Variants in PPT2 observed in about 807,000 individuals in gnomAD.
PPT2 encodes palmitoyl-protein thioesterase 2.
In PPT2, 20 loss-of-function variants were observed where a neutral mutation model predicts 37.3. The observed-to-expected ratio is 0.54, with a 90% CI of 0.38 to 0.78. The LOEUF (loss-of-function observed/expected upper bound fraction) is 0.78. PPT2 is among the 30% of genes least tolerant of loss of function. The pLI, the probability that PPT2 is intolerant of heterozygous loss-of-function variation, is 0.00. For synonymous variants in PPT2, 135 were observed against 159.1 expected (o/e 0.85, Z 1.14); for missense variants, 270 against 389.8 (o/e 0.69, Z 2.59).
At chr6:32,153,582 G>A (rs774886442), upstream of PPT2, 2 of 1,556,078 alleles carry the variant, frequency 1.3e-6, no homozygotes, top group Non-Finnish European at 1.7e-6. This position sits in a 1 kb window ranked among gnomAD's most constrained non-coding sequence, Gnocchi z 4.4. Flanking sequence ...GGGCCTCGAG[G>A]ACTCTCTGCG....
chr6:32,157,968 C>T (rs1250460153), intron 7 of PPT2, 44 bp downstream of exon 7: 2 of 1,514,452 alleles, frequency 1.3e-6, no homozygotes, highest in African/African-American at 1.4e-5. Flanking sequence ...AAAGACATCC[C>T]CCAACCCCAG....
Position 32,157,740 on chromosome 6 carries a change from C to T in PPT2, c.625+20C>T, listed in dbSNP as rs1484523878. On this transcript the variant is annotated intron_variant, in intron 6 of 8. Transcript: ENST00000324816. Reference sequence around the variant, plus strand: ...CCACAGGTGAGAATTCAGGCTCCTACCTGTGTTGCTTTTTCTGCTTCTTTG... The same window carrying T: ...CCACAGGTGAGAATTCAGGCTCCTATCTGTGTTGCTTTTTCTGCTTCTTTG... 1 of 1,574,126 alleles carries T rather than the reference C, an allele frequency of 6.4e-7. No homozygotes were observed. The highest frequency in any genetic ancestry group is 8.7e-7 in the Non-Finnish European group (1 of 1,144,612).
chr6:32,157,716 C>T lies in PPT2; in HGVS notation c.621C>T (p.Ala207=), dbSNP rs1289052793. The T allele has an allele frequency of 6.3e-7, 1 of 1,590,732 alleles. No individual in the cohort carries two copies. The highest frequency in any genetic ancestry group is 8.6e-7 in the Non-Finnish European group (1 of 1,159,594). ...LINGERDHPN[A]TVWRKNFLRV... ...ATGGGGAAAGAGACCATCCCAATGC[C>T]ACAGGTGAGAATTCAGGCTCCTACC... The change falls in exon 6 of 9, where the codon GCC becomes GCT. Residue 207 remains alanine, a synonymous_variant. Transcript: ENST00000324816.
chr6:32,157,167 T>A (rs1783851726), intron 5 of PPT2: 2 of 156,730 alleles, frequency 1.3e-5, no homozygotes, highest in South Asian at 3.5e-4. Flanking sequence ...GGTGACGGAG[T>A]GAGATTTCAT....
rs1783631279 is a variant in PPT2, at chr6:32,154,749, T to C, written c.155T>C (p.Phe52Ser). ...VHGLFDSSYS[F>S]RHLLEYINET... is the part of the protein sequence containing the mutation. Reference sequence around the variant, plus strand: ...GGGCTCTTCGACAGCTCGTACAGCTTCCGCCACCTGCTGGAATACATCAAT... The same window carrying C: ...GGGCTCTTCGACAGCTCGTACAGCTCCCGCCACCTGCTGGAATACATCAAT... Residue 52 changes from phenylalanine to serine, a missense_variant, in exon 2 of 9, where the codon TTC (phenylalanine) becomes TCC (serine). Coordinates refer to ENST00000324816, the MANE Select transcript of PPT2 (RefSeq NM_005155.7). This position sits in a 1 kb window ranked among gnomAD's most constrained non-coding sequence, Gnocchi z 7.3. 6.2e-7 allele frequency: 1 copy of C among 1,612,798 alleles called. No individual in the cohort carries two copies. The highest frequency in any genetic ancestry group is 8.5e-7 in the Non-Finnish European group (1 of 1,179,818).
chr6:32,162,601 C>G lies in PPT2; in HGVS notation c.744C>G (p.Val248=). 4 of 1,611,128 alleles carry G rather than the reference C, an allele frequency of 2.5e-6. No individual in the cohort carries two copies. The highest frequency in any genetic ancestry group is 3.4e-6 in the Non-Finnish European group (4 of 1,177,238). ...FFGFYDANET[V]LEMEEQLVYL... is the part of the protein sequence containing the mutation. ...GTTTCTATGATGCAAATGAGACCGTCCTGGAGATGGAGGAGCAACTGGTGA... is the reference window on the plus strand; with the variant it reads ...GTTTCTATGATGCAAATGAGACCGTGCTGGAGATGGAGGAGCAACTGGTGA... The change falls in exon 8 of 9, where the codon GTC becomes GTG. Residue 248 remains valine (V), a synonymous_variant. Transcript: ENST00000324816. This position sits in a 1 kb window ranked among gnomAD's most constrained non-coding sequence, Gnocchi z 5.5.
At position 32,154,232 on chromosome 6, in the gene PPT2, A is replaced by G. The variant is rs545934587; in HGVS notation, c.-181A>G. On this transcript the variant is annotated 5_prime_UTR_variant, in exon 1 of 9. Coordinates refer to ENST00000324816, the MANE Select transcript of PPT2 (RefSeq NM_005155.7). This position sits in a 1 kb window ranked among gnomAD's most constrained non-coding sequence, Gnocchi z 7.3. Reference sequence around the variant, plus strand: ...GTAAACAGCGGGTGGAGCGAGGCCTACGGACCCAGGCCAGGTGGGAGTCTG... The same window carrying G: ...GTAAACAGCGGGTGGAGCGAGGCCTGCGGACCCAGGCCAGGTGGGAGTCTG... 2 of 1,175,164 alleles carry G rather than the reference A, an allele frequency of 1.7e-6. No homozygotes were observed. The highest frequency in any genetic ancestry group is 3.2e-5 in the African/African-American group (2 of 63,024). 72.8% of individuals were successfully genotyped at this position (1,175,164 alleles called of 1,614,324 possible).
Position 32,155,253 on chromosome 6 carries a change from C to A in PPT2, c.337+70C>A. The A allele has an allele frequency of 6.5e-7, 1 of 1,546,330 alleles. No homozygotes were observed. The highest frequency in any genetic ancestry group is 8.9e-7 in the Non-Finnish European group (1 of 1,126,428). On this transcript the variant is annotated intron_variant, in intron 3 of 8. Transcript: ENST00000324816. The surrounding 1 kb of genome is among the most constrained non-coding windows in gnomAD (Gnocchi z 4.3). ...TTGATCCTTATCTGAGGGACACTTC[C>A]TAGCGTCCCTTTTTCTGAACCACAT...
At chr6:32,157,967 C>A (rs371754398) in intron 7 of PPT2, 43 bp downstream of exon 7, 1 of 1,514,054 alleles carries the variant, frequency 6.6e-7, no homozygotes, top group Non-Finnish European at 9.1e-7. Flanking sequence ...TAAAGACATC[C>A]CCCAACCCCA....
In PPT2 at chr6:32,154,957, G is replaced by A; in HGVS notation, c.184-73G>A. 6.3e-7 allele frequency: 1 copy of A among 1,598,658 alleles called. No individual in the cohort carries two copies. The highest frequency in any genetic ancestry group is 8.5e-7 in the Non-Finnish European group (1 of 1,169,678). On this transcript the variant is annotated intron_variant, in intron 2 of 8. Transcript: ENST00000324816. The surrounding 1 kb of genome is among the most constrained non-coding windows in gnomAD (Gnocchi z 7.3). Reference sequence around the variant, plus strand: ...TCTAGCAGGGTACAATAGACCTGTGGACGCGGGCCAGGGGGTGGCGTGTGG... The same window carrying A: ...TCTAGCAGGGTACAATAGACCTGTGAACGCGGGCCAGGGGGTGGCGTGTGG...
chr6:32,155,869 A>G lies in PPT2; in HGVS notation c.434-2A>G. 6.2e-7 allele frequency: 1 copy of G among 1,613,678 alleles called. No individual in the cohort carries two copies. Among genetic ancestry groups the G allele is most frequent in the Non-Finnish European group, 8.5e-7 (1 of 1,179,644 alleles). On this transcript the variant is annotated splice_acceptor_variant, in intron 4 of 8. Transcript: ENST00000324816. LOFTEE classifies it high-confidence loss of function. The surrounding 1 kb of genome is among the most constrained non-coding windows in gnomAD (Gnocchi z 4.3). ...CACTTAGCATTGCCATTCGCTTGCC[A>G]GACACGGACTACTTGAAGTGGCTGT...
At chr6:32,153,591 C>A (rs1355032813), upstream of PPT2, 9 of 1,549,308 alleles carry the variant, frequency 5.8e-6, no homozygotes, top group Non-Finnish European at 7.0e-6. This position sits in a 1 kb window ranked among gnomAD's most constrained non-coding sequence, Gnocchi z 4.4. Flanking sequence ...GGACTCTCTG[C>A]GTCTCTGGAG....
chr6:32,154,784 C>T lies in PPT2; in HGVS notation c.183+7C>T. ...GCTGGAATACATCAATGAGGTCTGGCAGGGGACACCTGGGTGCAGGGCGTT... is the reference window on the plus strand; with the variant it reads ...GCTGGAATACATCAATGAGGTCTGGTAGGGGACACCTGGGTGCAGGGCGTT... On this transcript the variant is annotated splice_region_variant and intron_variant, in intron 2 of 8. Transcript: ENST00000324816. The surrounding 1 kb of genome is among the most constrained non-coding windows in gnomAD (Gnocchi z 7.3). The T allele has an allele frequency of 6.2e-7, 1 of 1,609,670 alleles. No homozygotes were observed. The highest frequency in any genetic ancestry group is 8.5e-7 in the Non-Finnish European group (1 of 1,177,208).
chr6:32,160,393 GGGT>G (rs1784077298), intron 7 of PPT2, among the ~76,000 whole-genome samples: 1 of 151,564 alleles, frequency 6.6e-6, no homozygotes, highest in Admixed American at 6.6e-5. Flanking sequence ...CCATCTGGCT[GGGT>G]GCGGTGGCTC....
chr6:32,163,426 A>G lies in PPT2; in HGVS notation c.*476A>G, dbSNP rs186350484. 23 of 168,194 alleles carry G rather than the reference A, an allele frequency of 1.4e-4. No homozygotes were observed. The highest frequency in any genetic ancestry group is 1.1e-3 in the Admixed American group (20 of 17,978). 10.4% of individuals were successfully genotyped at this position (168,194 alleles called of 1,614,324 possible). On this transcript the variant is annotated 3_prime_UTR_variant, in exon 9 of 9. Transcript: ENST00000324816. ...GACATCAGCCCTCCCAACTCCTAAG[A>G]GGGACTACCCATGAGAGTGGGGTTC...
In PPT2 at chr6:32,162,604, G is replaced by T. The variant is rs1408837623; in HGVS notation, c.747G>T (p.Leu249=). The change falls in exon 8 of 9, where the codon CTG becomes CTT. Residue 249 remains leucine, a synonymous_variant. Transcript: ENST00000324816. This position sits in a 1 kb window ranked among gnomAD's most constrained non-coding sequence, Gnocchi z 5.5. ...FGFYDANETV[L]EMEEQLVYLR... ...TCTATGATGCAAATGAGACCGTCCT[G>T]GAGATGGAGGAGCAACTGGTGAGCC... The T allele has an allele frequency of 6.2e-7, 1 of 1,609,982 alleles. No homozygotes were observed. The highest frequency in any genetic ancestry group is 8.5e-7 in the Non-Finnish European group (1 of 1,176,304).
chr6:32,155,292 A>G lies in PPT2; in HGVS notation c.337+109A>G. 7.8e-7 allele frequency: 1 copy of G among 1,286,092 alleles called. No homozygotes were observed. The highest frequency in any genetic ancestry group is 1.1e-6 in the Non-Finnish European group (1 of 921,362). 79.7% of individuals were successfully genotyped at this position (1,286,092 alleles called of 1,614,324 possible). Reference sequence around the variant, plus strand: ...TCTGAACCACATTGCTCCAGGCACAACCCTGGTACCTGAGCCCTTCCTTTC... The same window carrying G: ...TCTGAACCACATTGCTCCAGGCACAGCCCTGGTACCTGAGCCCTTCCTTTC... On this transcript the variant is annotated intron_variant, in intron 3 of 8. Coordinates refer to ENST00000324816, the MANE Select transcript of PPT2 (RefSeq NM_005155.7). The surrounding 1 kb of genome is among the most constrained non-coding windows in gnomAD (Gnocchi z 4.3).
chr6:32,160,028 T>A (rs951949896), intron 7 of PPT2, among the ~76,000 whole-genome samples: 4 of 149,776 alleles, frequency 2.7e-5, no homozygotes, highest in African/African-American at 9.9e-5. Context: ...CCAATATATA[T>A]CTCTCTCTAT....
chr6:32,160,839 T>G (rs1784108091), intron 7 of PPT2, among the ~76,000 whole-genome samples: 1 of 151,718 alleles, frequency 6.6e-6, no homozygotes, highest in African/African-American at 2.4e-5. Flanking sequence ...AATACAAAAA[T>G]TAGCTGGGCG....
Sources: gnomAD v4.1 joint callset for allele counts (sites outside exome capture counted in the v4.1 genomes callset) on GRCh38, gnomAD v4.1.1 for gene constraint, Gnocchi (gnomAD v3.1) non-coding constraint, MANE v1.5 for transcripts, NCBI Gene and HGNC (gene_info 2026-07-23, HGNC 2026-07-21) for gene names.